The following FBXL13 variants were observed in gnomAD, a reference collection of about 807,000 sequenced individuals.
The protein encoded by FBXL13 is F-box and leucine-rich repeat protein 13.
A neutral mutation model predicts 83.6 loss-of-function variants in FBXL13; 67 were observed. That is an observed-to-expected ratio of 0.80 (90% confidence interval 0.66 to 0.98). FBXL13 has a LOEUF of 0.98. Among genes scored for constraint, FBXL13 ranks in the 50% least tolerant of loss-of-function variants. The pLI is 0.00. For missense variants in FBXL13, 822 were observed against 866.5 expected (o/e 0.95, Z 0.64); for synonymous variants, 272 against 299.5 (o/e 0.91, Z 0.95).
intron 2 of FBXL13, among the ~76,000 whole-genome samples, chr7:103,046,565 A>G (rs1461758335): frequency 6.6e-6 from 1 of 152,208 alleles, no homozygotes; most frequent in Admixed American, 6.5e-5. Context: ...TTTATCCATC[A>G]AAGTATAAAG....
In FBXL13 at chr7:102,974,579, G is replaced by A. The variant is rs567681052; in HGVS notation, c.496-6462C>T. Among the ~76,000 whole-genome samples the A allele has an allele frequency of 4.6e-5, 7 of 152,070 alleles. No homozygotes were observed. The South Asian group carries it at 1.5e-3, about 32-fold the overall frequency. ...TTATTGCTGACGACTGGAGAAATGGGGAAAAACTCCTTATGTCCAGCCCTG... is the reference window on the plus strand; with the variant it reads ...TTATTGCTGACGACTGGAGAAATGGAGAAAAACTCCTTATGTCCAGCCCTG... On this transcript the variant is annotated intron_variant, in intron 6 of 19. Coordinates refer to ENST00000313221, the Ensembl canonical transcript of FBXL13.
At chr7:103,029,266 T>C in intron 3 of FBXL13, 85 bp downstream of exon 4, 1 of 753,622 alleles carries the variant, frequency 1.3e-6, no homozygotes. Context: ...TCAGCACAAC[T>C]GGCCAAAAGT....
chr7:102,886,238 T>C (rs536405261), intron 11 of FBXL13, among the ~76,000 whole-genome samples: 3 of 152,226 alleles, frequency 2.0e-5, no homozygotes, highest in South Asian at 2.1e-4. Flanking sequence ...TAAAGGGAAA[T>C]TGAGATGCTG....
intron 6 of FBXL13, among the ~76,000 whole-genome samples, chr7:102,969,182 C>T (rs1414798042): frequency 6.6e-6 from 1 of 152,122 alleles, no homozygotes; most frequent in African/African-American, 2.4e-5. Context: ...GATAAGTGCC[C>T]TATATAGGTG....
chr7:102,871,473 C>A (rs1323415133), intron 16 of FBXL13, among the ~76,000 whole-genome samples: 1 of 151,914 alleles, frequency 6.6e-6, no homozygotes. Context: ...GCAGGCTTGA[C>A]CTCCCGGGCT....
chr7:102,854,638 A>G, intron 17 of FBXL13, 139 bp downstream of exon 18: 1 of 495,524 alleles, frequency 2.0e-6, no homozygotes, highest in Non-Finnish European at 3.6e-6. Context: ...GTAGTTACTT[A>G]AGAACTAAAG....
At chr7:102,940,317 C>T (rs1821171479) in intron 8 of FBXL13, among the ~76,000 whole-genome samples, 1 of 151,928 alleles carries the variant, frequency 6.6e-6, no homozygotes, top group African/African-American at 2.4e-5. Context: ...TCACGCCATT[C>T]TCCTGCCTCA....
chr7:103,072,695 C>T (rs1396755919), intron 1 of FBXL13, among the ~76,000 whole-genome samples: 2 of 152,304 alleles, frequency 1.3e-5, no homozygotes, highest in South Asian at 2.1e-4. Flanking sequence ...CACTTTCTGA[C>T]CCCCACCTCC....
intron 11 of FBXL13, among the ~76,000 whole-genome samples, chr7:102,897,923 T>A (rs1372983919): frequency 6.6e-6 from 1 of 152,198 alleles, no homozygotes. Flanking sequence ...CCACTCCAAG[T>A]TTGAATGCTG....
intron 11 of FBXL13, among the ~76,000 whole-genome samples, chr7:102,912,673 C>CG (rs1011068971): frequency 1.6e-4 from 12 of 73,900 alleles, no homozygotes; most frequent in South Asian, 1.1e-3. Context: ...AGCATTTTAC[C>CG]CCCCCCCCCC....
At chr7:102,851,629 T>C (rs980485124) in intron 17 of FBXL13, among the ~76,000 whole-genome samples, 3 of 151,522 alleles carry the variant, frequency 2.0e-5, no homozygotes, top group Non-Finnish European at 4.4e-5. Flanking sequence ...TTTTTATGAG[T>C]GATTGGGGTT....
intron 8 of FBXL13, among the ~76,000 whole-genome samples, chr7:102,956,030 T>C (rs936908613): frequency 6.6e-6 from 1 of 152,162 alleles, no homozygotes; most frequent in African/African-American, 2.4e-5. Context: ...CTAACTCATT[T>C]TATGAGGCCA....
intron 11 of FBXL13, among the ~76,000 whole-genome samples, chr7:102,887,379 T>C (rs189875497): frequency 2.6e-5 from 4 of 151,840 alleles, no homozygotes; most frequent in Non-Finnish European, 5.9e-5. Context: ...ACAGAACCAA[T>C]AGGATATACT....
intron 11 of FBXL13, among the ~76,000 whole-genome samples, chr7:102,905,774 T>C (rs1813653800): frequency 6.6e-6 from 1 of 152,204 alleles, no homozygotes; most frequent in Non-Finnish European, 1.5e-5. Flanking sequence ...TAGTTTTTTG[T>C]GTATCTACTG....
In FBXL13 at chr7:102,869,690, C is replaced by A. The variant is rs113963779; in HGVS notation, c.1635+7777G>T. On this transcript the variant is annotated intron_variant, in intron 16 of 19. Coordinates refer to ENST00000313221, the Ensembl canonical transcript of FBXL13. ...ATAGGAATCTAGTTCCATTCTTCTGCATGTAGCTATCCAGGTTTCCCAGCA... is the reference window on the plus strand; with the variant it reads ...ATAGGAATCTAGTTCCATTCTTCTGAATGTAGCTATCCAGGTTTCCCAGCA... Among the ~76,000 whole-genome samples, 470 of 152,162 alleles carry A rather than the reference C, an allele frequency of 3.1e-3. 2 individuals are homozygous for A. Among genetic ancestry groups the A allele is most frequent in the Non-Finnish European group, 5.2e-3 (351 of 68,004 alleles).
At position 103,053,127 on chromosome 7, in the gene FBXL13, T is replaced by C. The variant is rs533112440; in HGVS notation, c.-1+2517A>G. On this transcript the variant is annotated intron_variant, in intron 2 of 19. Transcript: ENST00000313221. ...TGTCTCTTGAAATTCTCTACAGGTT[T>C]TTTGTTTGTTTTTGTTTTGTTTTGT... Among the ~76,000 whole-genome samples, 7 of 152,056 alleles carry C rather than the reference T, an allele frequency of 4.6e-5. No individual in the cohort carries two copies. The South Asian group carries it at 1.5e-3, about 32-fold the overall frequency.
downstream of FBXL13, among the ~76,000 whole-genome samples, chr7:102,811,200 A>C (rs1006050205): frequency 6.6e-6 from 1 of 152,162 alleles, no homozygotes; most frequent in East Asian, 1.9e-4. Context: ...CATAAGCATA[A>C]CAGCAGTCAA....
chr7:103,033,149 A>C (rs900232289), intron 2 of FBXL13, among the ~76,000 whole-genome samples: 1 of 152,130 alleles, frequency 6.6e-6, no homozygotes, highest in African/African-American at 2.4e-5. Context: ...AGACTAAGAA[A>C]GGTTTTTTTG....
intron 6 of FBXL13, among the ~76,000 whole-genome samples, chr7:103,009,999 C>G (rs1376017870): frequency 6.6e-6 from 1 of 152,196 alleles, no homozygotes; most frequent in African/African-American, 2.4e-5. Flanking sequence ...GTGAACTGAG[C>G]CAGAAGGCAT....
Sources: allele counts gnomAD v4.1 joint callset (sites outside exome capture counted in the v4.1 genomes callset), GRCh38; gene constraint gnomAD v4.1.1; transcripts MANE v1.5; gene names NCBI Gene and HGNC (gene_info 2026-07-23, HGNC 2026-07-21).